RETREG1: variants seen among roughly 807,000 people sequenced by gnomAD.
The protein encoded by RETREG1 is reticulophagy regulator 1, also known as family with sequence similarity 134 member B.
RETREG1 carries 44 observed loss-of-function variants against 54.8 expected under a neutral mutation model. The ratio of observed to expected loss-of-function variants is 0.80; its 90% CI spans 0.63 to 1.03. The LOEUF is 1.03. RETREG1 is among the 50% of genes least tolerant of loss of function. The probability of loss-of-function intolerance (pLI) is 0.00; values close to 1 mark genes in which losing one functional copy is unlikely to be tolerated. For missense variants in RETREG1, 554 were observed against 605.1 expected, an observed-to-expected ratio of 0.92 and a Z score of 0.89; for synonymous variants, 217 against 238.5, an observed-to-expected ratio of 0.91 and a Z score of 0.83.
chr5:16,564,334 T>C (rs534266455), intron 3 of RETREG1, among the ~76,000 whole-genome samples: 27 of 152,368 alleles, frequency 1.8e-4, no homozygotes, highest in African/African-American at 6.0e-4. Flanking sequence ...AATCAGATCC[T>C]ATTTCCAGCT....
At chr5:16,525,042 G>A (rs1579645896) in intron 3 of RETREG1, among the ~76,000 whole-genome samples, 3 of 151,908 alleles carry the variant, frequency 2.0e-5, no homozygotes, top group African/African-American at 7.3e-5. Context: ...GATGACCTGT[G>A]TCCTCCGGCT....
intron 2 of RETREG1, among the ~76,000 whole-genome samples, chr5:16,569,321 G>A (rs1175353401): frequency 6.9e-6 from 1 of 144,672 alleles, no homozygotes; most frequent in Non-Finnish European, 1.5e-5. Context: ...TTTTCATGCA[G>A]TAGAAATGCT....
At chr5:16,503,541 C>G (rs886621279) in intron 3 of RETREG1, among the ~76,000 whole-genome samples, 1 of 151,438 alleles carries the variant, frequency 6.6e-6, no homozygotes. Context: ...TGGTGGCAGG[C>G]GCCTGTAATC....
intron 3 of RETREG1, among the ~76,000 whole-genome samples, chr5:16,525,715 G>C (rs1302191886): frequency 6.6e-6 from 1 of 152,030 alleles, no homozygotes; most frequent in Non-Finnish European, 1.5e-5. Context: ...AGGTCTATTA[G>C]TCAGGGTTCT....
chr5:16,483,278 A>G (rs1414247908), intron 4 of RETREG1, 68 bp downstream of exon 4: 1 of 1,543,714 alleles, frequency 6.5e-7, no homozygotes, highest in Non-Finnish European at 8.9e-7. Flanking sequence ...AGCTGATAAA[A>G]TAGGTTAGTT....
chr5:16,548,883 C>A (rs1255786563), intron 3 of RETREG1, among the ~76,000 whole-genome samples: 1 of 152,136 alleles, frequency 6.6e-6, no homozygotes, highest in Admixed American at 6.5e-5. Context: ...TTTAAGCCAC[C>A]CAATCTATGG....
chr5:16,503,550 T>A (rs992960440), intron 3 of RETREG1, among the ~76,000 whole-genome samples: 1 of 150,792 alleles, frequency 6.6e-6, no homozygotes, highest in Non-Finnish European at 1.5e-5. Context: ...GCGCCTGTAA[T>A]CACAGCTACT....
intron 3 of RETREG1, among the ~76,000 whole-genome samples, chr5:16,548,525 C>T (rs974751686): frequency 6.6e-6 from 1 of 152,096 alleles, no homozygotes; most frequent in Non-Finnish European, 1.5e-5. Flanking sequence ...TGTATGACAC[C>T]GAGATTTTAT....
At chr5:16,483,913 G>T (rs1738914022) in intron 3 of RETREG1, among the ~76,000 whole-genome samples, 1 of 152,094 alleles carries the variant, frequency 6.6e-6, no homozygotes, top group Non-Finnish European at 1.5e-5. Flanking sequence ...TGTGAAGCTG[G>T]AGGGGTAGGA....
chr5:16,526,860 T>C (rs373481460), intron 3 of RETREG1, among the ~76,000 whole-genome samples: 1 of 152,056 alleles, frequency 6.6e-6, no homozygotes, highest in African/African-American at 2.4e-5. Context: ...GCTGCAGGAG[T>C]GCTGCAGAGG....
chr5:16,573,698 TG>T (rs1253146713), intron 1 of RETREG1, among the ~76,000 whole-genome samples: 3 of 46,890 alleles, frequency 6.4e-5, no homozygotes, highest in South Asian at 5.0e-4. Context: ...AAGCAGGGAA[TG>T]GTTTTTTTTT....
At chr5:16,613,695 A>C (rs1579732406) in intron 1 of RETREG1, among the ~76,000 whole-genome samples, 1 of 152,354 alleles carries the variant, frequency 6.6e-6, no homozygotes, top group Admixed American at 6.5e-5. Context: ...TTAAAGTGAA[A>C]ACAACATCCC....
chr5:16,495,931 G>C (rs919916070), intron 3 of RETREG1, among the ~76,000 whole-genome samples: 4 of 152,102 alleles, frequency 2.6e-5, no homozygotes, highest in African/African-American at 9.7e-5. Flanking sequence ...TCACTTAGGT[G>C]CGGGGACTGA....
intron 3 of RETREG1, among the ~76,000 whole-genome samples, chr5:16,514,854 C>A (rs1486049578): frequency 6.6e-6 from 1 of 150,398 alleles, no homozygotes; most frequent in African/African-American, 2.4e-5. Context: ...GCTGCGAATG[C>A]CATTATTTCA....
At chr5:16,488,354 G>A (rs781772506) in intron 3 of RETREG1, among the ~76,000 whole-genome samples, 23 of 152,310 alleles carry the variant, frequency 1.5e-4, no homozygotes, top group East Asian at 5.8e-4. Flanking sequence ...CACCCAGCTC[G>A]CTGCCTTGAG....
intron 1 of RETREG1, among the ~76,000 whole-genome samples, chr5:16,581,558 CA>C (rs1561128506): frequency 2.9e-5 from 4 of 137,052 alleles, no homozygotes; most frequent in African/African-American, 1.1e-4. Flanking sequence ...CACACACACA[CA>C]CACACAAAAC....
rs115436967 is a variant in RETREG1 at position 16,567,982 on chromosome 5, C to G, written c.428-2189G>C. On this transcript the variant is annotated intron_variant, in intron 2 of 8. Transcript: ENST00000306320. ...TTCTAAAAATAAACAAACAAACAAA[C>G]AGAAAAGAAAGCGGGGGGCAGATAT... Among the ~76,000 whole-genome samples, 1,316 of 151,324 alleles carry G rather than the reference C, an allele frequency of 8.7e-3. 12 individuals are homozygous for G. Among genetic ancestry groups the G allele is most frequent in the African/African-American group, 0.03 (1,227 of 40,882 alleles).
intron 6 of RETREG1, among the ~76,000 whole-genome samples, chr5:16,478,526 T>A (rs1425663948): frequency 6.6e-6 from 1 of 152,118 alleles, no homozygotes; most frequent in African/African-American, 2.4e-5. Context: ...TATATTGGCT[T>A]TTCCTGTATT....
chr5:16,486,574 G>A (rs185541467), intron 3 of RETREG1, among the ~76,000 whole-genome samples: 2 of 152,160 alleles, frequency 1.3e-5, no homozygotes, highest in Admixed American at 6.5e-5. Flanking sequence ...ACTTTTTGCA[G>A]CTAGTATGAG....
Sources: gnomAD v4.1 joint callset for allele counts (sites outside exome capture counted in the v4.1 genomes callset) on GRCh38, gnomAD v4.1.1 for gene constraint, MANE v1.5 for transcripts, NCBI Gene and HGNC (gene_info 2026-07-23, HGNC 2026-07-21) for gene names.